The following CACNG1 variants were observed in gnomAD, a reference collection of about 807,000 sequenced individuals.
CACNG1 encodes calcium voltage-gated channel auxiliary subunit gamma 1, also known as voltage-dependent calcium channel gamma-1 subunit.
A neutral mutation model predicts 22.0 loss-of-function variants in CACNG1; 21 were observed. The observed-to-expected ratio is 0.95, with a 90% CI of 0.68 to 1.37. CACNG1 has a LOEUF of 1.37. Among genes scored for constraint, CACNG1 ranks in the 40% most tolerant of loss-of-function variants. The pLI, the probability that CACNG1 is intolerant of heterozygous loss-of-function variation, is 0.00. For synonymous variants in CACNG1, 127 were observed against 129.2 expected (o/e 0.98, Z 0.12); for missense variants, 291 against 308.6 (o/e 0.94, Z 0.43).
chr17:67,051,025 C>T (rs1207703493), intron 1 of CACNG1, among the ~76,000 whole-genome samples: 1 of 152,128 alleles, frequency 6.6e-6, no homozygotes, highest in Non-Finnish European at 1.5e-5. Flanking sequence ...AATCCCTGAG[C>T]TTTGTGTAAG....
Position 67,054,715 on chromosome 17 carries a change from G to C in CACNG1, c.305-388G>C, listed in dbSNP as rs952203313. 1.1e-4 allele frequency among the ~76,000 whole-genome samples: 11 copies of C among 104,358 alleles called. No homozygotes were observed. Among genetic ancestry groups the C allele is most frequent in the African/African-American group, 3.1e-4 (11 of 35,246 alleles). 68.5% of individuals were successfully genotyped at this position (104,358 alleles called of 152,430 possible). On this transcript the variant is annotated intron_variant, in intron 2 of 3. Transcript: ENST00000226021. This position sits in a 1 kb window ranked among gnomAD's most constrained non-coding sequence, Gnocchi z 4.6. ...ACACACGCATGATGACACACAAAAT[G>C]ACACACAGTGACACAGACACACACT...
At position 67,054,071 on chromosome 17, in the gene CACNG1, G is replaced by T; in HGVS notation, c.304+1G>T. ...ATCTTCGAATTCACCACTCAGAAGGGTGAGCCTGGGTGGAAAGGGGTCTGG... is the reference window on the plus strand; with the variant it reads ...ATCTTCGAATTCACCACTCAGAAGGTTGAGCCTGGGTGGAAAGGGGTCTGG... On this transcript the variant is annotated splice_donor_variant, in intron 2 of 3. Transcript: ENST00000226021. LOFTEE classifies it high-confidence loss of function. The surrounding 1 kb of genome is among the most constrained non-coding windows in gnomAD (Gnocchi z 4.6). 1 of 1,613,370 alleles carries T rather than the reference G, an allele frequency of 6.2e-7. No homozygotes were observed. The highest frequency in any genetic ancestry group is 1.6e-4 in the Middle Eastern group (1 of 6,062).
rs372188698 is a variant in CACNG1, at chr17:67,054,970, A to G, written c.305-133A>G. 1.7e-5 allele frequency: 15 copies of G among 857,990 alleles called. No homozygotes were observed. In the African/African-American group the frequency reaches 2.2e-4, roughly 12 times the overall value. The allele number at this position is 857,990 out of a possible 1,614,324, so 53.1% of individuals were successfully genotyped here. A position where few individuals can be genotyped will look rare whatever the true frequency, so the allele number is the denominator to read the frequency against. On this transcript the variant is annotated intron_variant, in intron 2 of 3. Coordinates refer to ENST00000226021, the MANE Select transcript of CACNG1 (RefSeq NM_000727.4). The surrounding 1 kb of genome is among the most constrained non-coding windows in gnomAD (Gnocchi z 4.6). ...ACACACACAAGACAGACACAGAGAC[A>G]CACACTTGACACACACACAATGACA... is the stretch of plus-strand genomic sequence containing the variant.
At chr17:67,045,969 A>G (rs2035694654) in intron 1 of CACNG1, among the ~76,000 whole-genome samples, 1 of 152,228 alleles carries the variant, frequency 6.6e-6, no homozygotes, top group Non-Finnish European at 1.5e-5. Flanking sequence ...CGTTGAAGGT[A>G]AGGTCCTTTT....
At chr17:67,053,933 C>A in intron 1 of CACNG1, 63 bp from the exon 2 acceptor site, 1 of 1,229,304 alleles carries the variant, frequency 8.1e-7, no homozygotes, top group Non-Finnish European at 1.2e-6. Flanking sequence ...ACGCTCTCTG[C>A]CAGGCCTCTG....
In CACNG1 at chr17:67,055,836, G is replaced by A. The variant is rs57247308; in HGVS notation, c.443-209G>A. Among the ~76,000 whole-genome samples the A allele has an allele frequency of 0.02, 2,977 of 152,204 alleles. 105 individuals carry two copies. Among genetic ancestry groups the A allele is most frequent in the African/African-American group, 0.067 (2,802 of 41,512 alleles). ...ATTACAGGTGTGAGCCACCACACCT[G>A]GCCACATGGTTGCCCTTCTGAGGGA... is the stretch of plus-strand genomic sequence containing the variant. On this transcript the variant is annotated intron_variant, in intron 3 of 3. Coordinates refer to ENST00000226021, the MANE Select transcript of CACNG1 (RefSeq NM_000727.4). This position sits in a 1 kb window ranked among gnomAD's most constrained non-coding sequence, Gnocchi z 4.5.
At chr17:67,047,668 G>C (rs2035704964) in intron 1 of CACNG1, among the ~76,000 whole-genome samples, 1 of 152,188 alleles carries the variant, frequency 6.6e-6, no homozygotes, top group African/African-American at 2.4e-5. Context: ...AAAATAATTA[G>C]AGATGATTGA....
At chr17:67,053,956 G>T (rs774891661) in intron 1 of CACNG1, 40 bp from the exon 2 acceptor site, 2 of 1,498,076 alleles carry the variant, frequency 1.3e-6, no homozygotes, top group Non-Finnish European at 1.9e-6. Context: ...CTTGCTACGG[G>T]TTGCTCCCCT....
rs892868610 is a variant in CACNG1 at position 67,056,668 on chromosome 17, T to A, written c.*397T>A. The stretch of plus-strand genomic sequence containing the variant: ...GTTCCGTGTAAATAGCCAGCCTGTC[T>A]CTTTCTCGGTGATAAAACACACCCT... On this transcript the variant is annotated 3_prime_UTR_variant, in exon 4 of 4. Coordinates refer to ENST00000226021, the MANE Select transcript of CACNG1 (RefSeq NM_000727.4). The surrounding 1 kb of genome is among the most constrained non-coding windows in gnomAD (Gnocchi z 4.3). 1 of 202,602 alleles carries A rather than the reference T, an allele frequency of 4.9e-6. No individual in the cohort carries two copies. Among genetic ancestry groups the A allele is most frequent in the Non-Finnish European group, 1.0e-5 (1 of 99,176 alleles). 12.6% of individuals were successfully genotyped at this position (202,602 alleles called of 1,614,324 possible).
chr17:67,048,554 G>A lies in CACNG1; in HGVS notation c.229+3665G>A, dbSNP rs377408417. On this transcript the variant is annotated intron_variant, in intron 1 of 3. Coordinates refer to ENST00000226021, the MANE Select transcript of CACNG1 (RefSeq NM_000727.4). ...CACACAAAGAACTAAAATGATAAGG[G>A]GCATACATGGGGCAGGGAGAAGTCA... 3.9e-5 allele frequency among the ~76,000 whole-genome samples: 6 copies of A among 152,092 alleles called. No homozygotes were observed. In the East Asian group the frequency reaches 7.7e-4, roughly 20 times the overall value.
chr17:67,045,040 T>G (rs1258555391), intron 1 of CACNG1, 151 bp downstream of exon 1: 2 of 662,862 alleles, frequency 3.0e-6, no homozygotes, highest in Middle Eastern at 2.5e-4. Flanking sequence ...AGATATGAAT[T>G]GCATGTGTGG....
rs922333393 is a variant in CACNG1, at chr17:67,044,833, C to A, written c.173C>A (p.Thr58Asn). ...CACTTCGGCCTCTGGCGGATTTGTA[C>A]CAAGCGCATCCCCATGGACGACAGC... is the stretch of plus-strand genomic sequence containing the variant. ...AAHFGLWRIC[T>N]KRIPMDDSKT... Residue 58 changes from threonine to asparagine, a missense_variant, in exon 1 of 4, where the codon ACC becomes AAC. By Grantham distance (65) the Thr-to-Asn change is moderately conservative. Coordinates refer to ENST00000226021, the MANE Select transcript of CACNG1 (RefSeq NM_000727.4). This position sits in a 1 kb window ranked among gnomAD's most constrained non-coding sequence, Gnocchi z 6.9. 1.9e-6 allele frequency: 3 copies of A among 1,613,498 alleles called. No homozygotes were observed. The South Asian group carries it at 3.3e-5, about 18-fold the overall frequency.
Position 67,044,953 on chromosome 17 carries a change from A to G in CACNG1, c.229+64A>G. 1 of 1,408,632 alleles carries G rather than the reference A, an allele frequency of 7.1e-7. No individual in the cohort carries two copies. Among genetic ancestry groups the G allele is most frequent in the Non-Finnish European group, 9.8e-7 (1 of 1,020,898 alleles). The allele number at this position is 1,408,632 out of a possible 1,614,324, so 87.3% of individuals were successfully genotyped here. On this transcript the variant is annotated intron_variant, in intron 1 of 3. Transcript: ENST00000226021. The surrounding 1 kb of genome is among the most constrained non-coding windows in gnomAD (Gnocchi z 6.9). Reference sequence around the variant, plus strand: ...CTCTTCCCCGTCATCCCCCTGGCAAAGTTGCCCTTGCGAAGGAAGGCAGGT... The same window carrying G: ...CTCTTCCCCGTCATCCCCCTGGCAAGGTTGCCCTTGCGAAGGAAGGCAGGT...
At position 67,056,290 on chromosome 17, in the gene CACNG1, G is replaced by C; in HGVS notation, c.*19G>C. The C allele has an allele frequency of 6.2e-7, 1 of 1,608,566 alleles. No homozygotes were observed. ...GCACTAACCCTCCTGCGGCCCTAGC[G>C]ACCCTCAGGCTTCTTCCCCAGGAAG... On this transcript the variant is annotated 3_prime_UTR_variant, in exon 4 of 4. Coordinates refer to ENST00000226021, the MANE Select transcript of CACNG1 (RefSeq NM_000727.4). The surrounding 1 kb of genome is among the most constrained non-coding windows in gnomAD (Gnocchi z 4.3).
rs1014210326 is a variant in CACNG1, at chr17:67,044,621, G to A, written c.-40G>A. ...GTCACCTGCCCTAGGAGACGCAGCCGCCGGACCCTGCCCAGGGCACCCACG... is the reference window on the plus strand; with the variant it reads ...GTCACCTGCCCTAGGAGACGCAGCCACCGGACCCTGCCCAGGGCACCCACG... On this transcript the variant is annotated 5_prime_UTR_variant, in exon 1 of 4. Coordinates refer to ENST00000226021, the MANE Select transcript of CACNG1 (RefSeq NM_000727.4). This position sits in a 1 kb window ranked among gnomAD's most constrained non-coding sequence, Gnocchi z 6.9. 1.3e-5 allele frequency: 18 copies of A among 1,423,694 alleles called. No individual in the cohort carries two copies. Among genetic ancestry groups the A allele is most frequent in the East Asian group, 2.3e-5 (1 of 43,934 alleles). The allele number at this position is 1,423,694 out of a possible 1,614,324, so 88.2% of individuals were successfully genotyped here.
chr17:67,052,801 G>A lies in CACNG1; in HGVS notation c.230-1195G>A, dbSNP rs190558436. On this transcript the variant is annotated intron_variant, in intron 1 of 3. Transcript: ENST00000226021. Reference sequence around the variant, plus strand: ...GTGCTTTTTTTTTTTTTGAGACAGAGTCCCACTCTGTCACCCAGGCTGGAG... The same window carrying A: ...GTGCTTTTTTTTTTTTTGAGACAGAATCCCACTCTGTCACCCAGGCTGGAG... Among the ~76,000 whole-genome samples, 329 of 150,300 alleles carry A rather than the reference G, an allele frequency of 2.2e-3. 8 individuals are homozygous for A. Among genetic ancestry groups the A allele is most frequent in the Admixed American group, 0.019 (287 of 15,118 alleles).
At chr17:67,049,670 T>C (rs2363843) in intron 1 of CACNG1, among the ~76,000 whole-genome samples, 99,128 of 151,964 alleles carry the variant, frequency 0.65, 33,092 homozygotes, top group East Asian at 0.86. Context: ...GGTTCTCCAC[T>C]CAAGTCTTGA....
chr17:67,048,282 G>A (rs2035708213), intron 1 of CACNG1, among the ~76,000 whole-genome samples: 1 of 141,032 alleles, frequency 7.1e-6, no homozygotes. Flanking sequence ...ATCAACCTGG[G>A]CAATATAGCA....
chr17:67,049,519 T>A (rs771011749), intron 1 of CACNG1, among the ~76,000 whole-genome samples: 1 of 152,136 alleles, frequency 6.6e-6, no homozygotes, highest in Non-Finnish European at 1.5e-5. Context: ...TACAGGTGGG[T>A]CTCATTCTAC....
Sources: gnomAD v4.1 joint callset for allele counts (sites outside exome capture counted in the v4.1 genomes callset) on GRCh38, gnomAD v4.1.1 for gene constraint, Gnocchi (gnomAD v3.1) non-coding constraint, MANE v1.5 for transcripts, NCBI Gene and HGNC (gene_info 2026-07-23, HGNC 2026-07-21) for gene names.